The following NDC1 variants were observed in gnomAD, a reference collection of about 807,000 sequenced individuals.
NDC1 encodes nucleoporin NDC1.
A neutral mutation model predicts 89.8 loss-of-function variants in NDC1; 24 were observed. The observed-to-expected ratio is 0.27, with a 90% CI of 0.19 to 0.38. The LOEUF (loss-of-function observed/expected upper bound fraction) is 0.38, where lower values mean the gene tolerates loss of function less well. NDC1 is among the 10% of genes least tolerant of loss of function. NDC1 has a pLI of 1.00. For synonymous variants in NDC1, 296 were observed against 284.8 expected (o/e 1.04, Z -0.39); for missense variants, 728 against 797.6 (o/e 0.91, Z 1.05).
intron 16 of NDC1, among the ~76,000 whole-genome samples, chr1:53,773,592 C>T (rs1647137257): frequency 6.6e-6 from 1 of 152,196 alleles, no homozygotes; most frequent in Non-Finnish European, 1.5e-5. Context: ...ATTCTAAGTG[C>T]ATGACTGGGG....
Position 53,793,296 on chromosome 1 carries a change from G to T in NDC1, c.1585-17C>A, listed in dbSNP as rs765768311. On this transcript the variant is annotated splice_polypyrimidine_tract_variant and intron_variant, in intron 13 of 17. Transcript: ENST00000371429. ...ATTCTTAATCTGAGTTGGAAAAAAG[G>T]AAGAATTAACACATTTACCTTTTAA... is the stretch of plus-strand genomic sequence containing the variant. The T allele has an allele frequency of 6.3e-7, 1 of 1,589,722 alleles. No individual in the cohort carries two copies.
intron 4 of NDC1, among the ~76,000 whole-genome samples, chr1:53,827,021 T>C (rs1648885128): frequency 6.6e-6 from 1 of 152,178 alleles, no homozygotes; most frequent in African/African-American, 2.4e-5. Context: ...GACTCATCCA[T>C]GGTGAGCACT....
At chr1:53,791,546 A>G (rs1198374428) in intron 14 of NDC1, among the ~76,000 whole-genome samples, 1 of 152,216 alleles carries the variant, frequency 6.6e-6, no homozygotes, top group Non-Finnish European at 1.5e-5. Flanking sequence ...ATAGTGTGGA[A>G]CAACTGGTCC....
intron 6 of NDC1, among the ~76,000 whole-genome samples, chr1:53,813,400 G>GGACC (rs1434409142): frequency 6.6e-6 from 1 of 151,978 alleles, no homozygotes; most frequent in Non-Finnish European, 1.5e-5. Context: ...TAACACACAA[G>GGACC]GACCCACATA....
At chr1:53,818,867 AC>A in intron 6 of NDC1, 103 bp downstream of exon 6, 1 of 590,954 alleles carries the variant, frequency 1.7e-6, no homozygotes. Flanking sequence ...CTAATCACAT[AC>A]CTATAACTGT....
At chr1:53,785,095 A>G (rs1570168400) in intron 16 of NDC1, among the ~76,000 whole-genome samples, 1 of 152,292 alleles carries the variant, frequency 6.6e-6, no homozygotes, top group Non-Finnish European at 1.5e-5. Context: ...ATCTGAGGTA[A>G]GTCACTGTAC....
At chr1:53,781,709 T>TA (rs759238949) in intron 16 of NDC1, among the ~76,000 whole-genome samples, 170 of 152,274 alleles carry the variant, frequency 1.1e-3, no homozygotes, top group Non-Finnish European at 1.9e-3. Flanking sequence ...TACTTAAACT[T>TA]ACGCTCTTCA....
chr1:53,796,224 T>C (rs1647692761), intron 13 of NDC1, among the ~76,000 whole-genome samples: 1 of 152,258 alleles, frequency 6.6e-6, no homozygotes, highest in South Asian at 2.1e-4. Flanking sequence ...GTTTTCCATA[T>C]CTTGAATATG....
intron 16 of NDC1, among the ~76,000 whole-genome samples, chr1:53,780,875 TTA>T (rs1233503057): frequency 6.6e-6 from 1 of 151,804 alleles, no homozygotes; most frequent in Non-Finnish European, 1.5e-5. Context: ...TTTTTTTTTT[TTA>T]GAGACAGGGT....
rs150445961 is a variant in NDC1, at chr1:53,802,402, C to T, written c.1066+1526G>A. 4.3e-3 allele frequency among the ~76,000 whole-genome samples: 661 copies of T among 152,174 alleles called. 5 individuals are homozygous for T. Among genetic ancestry groups the T allele is most frequent in the African/African-American group, 0.015 (627 of 41,512 alleles). On this transcript the variant is annotated intron_variant, in intron 10 of 17. Transcript: ENST00000371429. ...GAAAAGCTGGTTGAGTGTACTGGCT[C>T]ACACCTGTAATTCTAACACTTTGGG...
intron 16 of NDC1, among the ~76,000 whole-genome samples, chr1:53,774,282 A>C (rs1647143574): frequency 6.6e-6 from 1 of 152,134 alleles, no homozygotes; most frequent in African/African-American, 2.4e-5. Context: ...TTCAACTACT[A>C]CCTAAAATTA....
intron 5 of NDC1, 82 bp from the exon 6 acceptor site, chr1:53,819,161 TGTAACA>T: frequency 1.4e-6 from 1 of 694,002 alleles, no homozygotes; most frequent in South Asian, 1.8e-5. Flanking sequence ...AGCACTTTAC[TGTAACA>T]GTCTACATAG....
intron 16 of NDC1, among the ~76,000 whole-genome samples, chr1:53,782,229 G>A (rs1647216570): frequency 6.6e-6 from 1 of 152,156 alleles, no homozygotes. Flanking sequence ...AAGAGCAGAG[G>A]ACTCATGGGA....
At chr1:53,824,234 GAAA>G (rs752108016) in intron 5 of NDC1, among the ~76,000 whole-genome samples, 2 of 83,960 alleles carry the variant, frequency 2.4e-5, no homozygotes. Flanking sequence ...AACCTTTCTC[GAAA>G]AAAAAAAAAA....
intron 5 of NDC1, among the ~76,000 whole-genome samples, chr1:53,822,983 G>A (rs896748772): frequency 6.6e-6 from 1 of 152,090 alleles, no homozygotes; most frequent in South Asian, 2.1e-4. Context: ...AATGCACATG[G>A]AAAGGTGAAA....
intron 13 of NDC1, 96 bp from the exon 14 acceptor site, chr1:53,793,375 A>C: frequency 1.0e-6 from 1 of 979,922 alleles, no homozygotes; most frequent in Non-Finnish European, 1.6e-6. Flanking sequence ...AACTTAAATG[A>C]AAAAATGAAA....
Position 53,767,985 on chromosome 1 carries a change from C to T in NDC1, c.2010G>A (p.Leu670=), listed in dbSNP as rs1363314420. 1.9e-6 allele frequency: 3 copies of T among 1,605,588 alleles called. No homozygotes were observed. The highest frequency in any genetic ancestry group is 1.7e-5 in the Admixed American group (1 of 59,402). ...AEHQKRLQQF[L]EFKE ...TATTACTTAACTATTCTTTGAACTC[C>T]AAGAACTGTTGAAGTCTTTTCTGAT... The change falls in exon 18 of 18, where the codon TTG becomes TTA. Residue 670 remains leucine, a synonymous_variant. Transcript: ENST00000371429.
Position 53,832,492 on chromosome 1 carries a change from G to A in NDC1, c.278C>T (p.Ala93Val), listed in dbSNP as rs116279146. ...IISIFNVEFY[A>V]VVPSIPCSRL... The stretch of plus-strand genomic sequence containing the variant: ...AAGGTTAACATTTGAAAACTCACCT[G>A]CATAGAACTCCACATTGAAAATACT... Residue 93 changes from alanine (A) to valine (V), a missense_variant and splice_region_variant, in exon 3 of 18, where the codon GCA (alanine) becomes GTA (valine). Transcript: ENST00000371429. 568 of 1,521,036 alleles carry A rather than the reference G, an allele frequency of 3.7e-4. 1 individual carries two copies. The African/African-American group carries it at 7.1e-3, about 19-fold the overall frequency. 94.2% of individuals were successfully genotyped at this position (1,521,036 alleles called of 1,614,324 possible).
chr1:53,806,073 C>CAAAAAAAAAAAAAAAAAAAAA (rs879796373), intron 9 of NDC1, among the ~76,000 whole-genome samples: 4 of 135,884 alleles, frequency 2.9e-5, no homozygotes, highest in African/African-American at 1.1e-4. Context: ...GACTCCGTCT[C>CAAAAAAAAAAAAAAAAAAAAA]AAAAAAAAAA....
Sources: allele counts gnomAD v4.1 joint callset (sites outside exome capture counted in the v4.1 genomes callset), GRCh38; gene constraint gnomAD v4.1.1; transcripts MANE v1.5; gene names NCBI Gene and HGNC (gene_info 2026-07-23, HGNC 2026-07-21).